Variants in PPM1L observed in about 807,000 individuals in gnomAD.
The protein encoded by PPM1L is protein phosphatase 1L.
PPM1L carries 13 observed loss-of-function variants against 31.4 expected under a neutral mutation model. That is an observed-to-expected ratio of 0.41 (90% CI 0.27 to 0.66). The LOEUF (loss-of-function observed/expected upper bound fraction) is 0.66. PPM1L is among the 30% of genes least tolerant of loss of function. PPM1L has a pLI of 0.29. For synonymous variants in PPM1L, 184 were observed against 175.4 expected (o/e 1.05, Z -0.39); for missense variants, 326 against 453.7 (o/e 0.72, Z 2.56).
chr3:160,802,080 T>C (rs1712446910), intron 1 of PPM1L, among the ~76,000 whole-genome samples: 1 of 152,184 alleles, frequency 6.6e-6, no homozygotes, highest in Non-Finnish European at 1.5e-5. Context: ...CAACATCCTC[T>C]ACTTAGACAT....
chr3:160,800,097 A>C (rs542964858), intron 1 of PPM1L, among the ~76,000 whole-genome samples: 19 of 152,366 alleles, frequency 1.2e-4, no homozygotes, highest in African/African-American at 4.3e-4. Flanking sequence ...CAAGAAAAAA[A>C]GTGCATACTG....
chr3:160,889,220 G>T (rs1224767159), intron 1 of PPM1L, among the ~76,000 whole-genome samples: 1 of 152,026 alleles, frequency 6.6e-6, no homozygotes, highest in Non-Finnish European at 1.5e-5. Context: ...CCAGAAGTTG[G>T]TTTTTTGAAA....
chr3:160,989,267 C>T (rs997971919), intron 2 of PPM1L, among the ~76,000 whole-genome samples: 2 of 152,086 alleles, frequency 1.3e-5, no homozygotes, highest in African/African-American at 4.8e-5. Flanking sequence ...TAATAAGTTC[C>T]TCTGCAGTGG....
chr3:161,006,392 T>C (rs748618960), intron 2 of PPM1L, among the ~76,000 whole-genome samples: 2 of 152,172 alleles, frequency 1.3e-5, no homozygotes, highest in Non-Finnish European at 2.9e-5. Context: ...GGATAGAGTT[T>C]CAGTTTTGGG....
At chr3:160,986,127 CAGTG>C (rs776031162) in intron 2 of PPM1L, among the ~76,000 whole-genome samples, 1 of 152,204 alleles carries the variant, frequency 6.6e-6, no homozygotes, top group Non-Finnish European at 1.5e-5. Flanking sequence ...CTCAACGTCT[CAGTG>C]AGAGTTCAGG....
At chr3:160,829,507 T>A (rs1314163110) in intron 1 of PPM1L, among the ~76,000 whole-genome samples, 1 of 152,178 alleles carries the variant, frequency 6.6e-6, no homozygotes, top group Non-Finnish European at 1.5e-5. Context: ...GACAACTCAC[T>A]CAACTGCCAG....
intron 1 of PPM1L, among the ~76,000 whole-genome samples, chr3:160,951,114 A>C (rs878955): frequency 0.83 from 125,735 of 151,994 alleles, 52,479 homozygotes; most frequent in Middle Eastern, 0.92. Flanking sequence ...ACTCACTCAT[A>C]ACAAAATTTA....
At chr3:160,850,333 G>A (rs2108112417) in intron 1 of PPM1L, among the ~76,000 whole-genome samples, 1 of 152,284 alleles carries the variant, frequency 6.6e-6, no homozygotes, top group South Asian at 2.1e-4. Context: ...GTACACTGAT[G>A]GGTGCTAAAA....
intron 1 of PPM1L, among the ~76,000 whole-genome samples, chr3:160,799,453 G>A (rs910639221): frequency 6.6e-6 from 1 of 152,176 alleles, no homozygotes; most frequent in African/African-American, 2.4e-5. Flanking sequence ...CATTTTAAAA[G>A]CAATAAACTA....
chr3:160,936,505 T>C (rs1714978553), intron 1 of PPM1L, among the ~76,000 whole-genome samples: 1 of 152,232 alleles, frequency 6.6e-6, no homozygotes. Context: ...CTAAAACAGC[T>C]GTAAGTGCAT....
chr3:161,012,420 T>C (rs537590234), intron 2 of PPM1L, among the ~76,000 whole-genome samples: 302 of 152,248 alleles, frequency 2.0e-3, no homozygotes, highest in Non-Finnish European at 2.9e-3. Flanking sequence ...TTCGGTTTGC[T>C]AGTATTTTAT....
chr3:160,977,048 C>T (rs191322371), intron 2 of PPM1L, among the ~76,000 whole-genome samples: 34 of 152,148 alleles, frequency 2.2e-4, no homozygotes, highest in Non-Finnish European at 3.8e-4. Context: ...GCTTTGAATG[C>T]GTCCCAGAGA....
intron 1 of PPM1L, among the ~76,000 whole-genome samples, chr3:160,915,632 G>A (rs567742075): frequency 2.6e-5 from 4 of 152,168 alleles, no homozygotes; most frequent in African/African-American, 9.6e-5. Context: ...ACAAAGCTGG[G>A]GGCATCATGC....
intron 2 of PPM1L, among the ~76,000 whole-genome samples, chr3:160,979,609 T>G (rs1401707526): frequency 1.3e-5 from 2 of 152,092 alleles, no homozygotes; most frequent in Non-Finnish European, 2.9e-5. Context: ...ATTAGTTACC[T>G]TCCACAGATA....
At chr3:160,990,502 G>A (rs1363513993) in intron 2 of PPM1L, among the ~76,000 whole-genome samples, 1 of 152,142 alleles carries the variant, frequency 6.6e-6, no homozygotes, top group Non-Finnish European at 1.5e-5. Flanking sequence ...AGTCATAATG[G>A]AGTTGTCAGA....
chr3:160,949,967 T>A (rs1325393818), intron 1 of PPM1L, among the ~76,000 whole-genome samples: 1 of 152,190 alleles, frequency 6.6e-6, no homozygotes, highest in Non-Finnish European at 1.5e-5. Flanking sequence ...TACAACAAAT[T>A]AAGTTTGCTT....
chr3:160,918,466 C>T (rs1446667527), intron 1 of PPM1L, among the ~76,000 whole-genome samples: 1 of 152,202 alleles, frequency 6.6e-6, no homozygotes, highest in Admixed American at 6.5e-5. Flanking sequence ...GAAACCATCA[C>T]ATGGATAAGA....
chr3:160,899,316 T>C (rs956014016), intron 1 of PPM1L, among the ~76,000 whole-genome samples: 27 of 152,254 alleles, frequency 1.8e-4, no homozygotes, highest in African/African-American at 6.0e-4. Flanking sequence ...CTCTGATAGC[T>C]GAAAAGTCCA....
intron 1 of PPM1L, among the ~76,000 whole-genome samples, chr3:160,922,894 T>G (rs1180509918): frequency 1.3e-5 from 2 of 152,088 alleles, no homozygotes; most frequent in Admixed American, 1.3e-4. Context: ...TAAAGTGAGG[T>G]TGACCATATC....
Sources: allele counts gnomAD v4.1 joint callset (sites outside exome capture counted in the v4.1 genomes callset), GRCh38; gene constraint gnomAD v4.1.1; transcripts MANE v1.5; gene names NCBI Gene and HGNC (gene_info 2026-07-23, HGNC 2026-07-21).